RUSC2: variants seen among roughly 807,000 people sequenced by gnomAD.
RUSC2 encodes the protein AP-4 complex accessory subunit RUSC2.
RUSC2 carries 34 observed loss-of-function variants against 122.2 expected under a neutral mutation model. The ratio of observed to expected loss-of-function variants is 0.28; its 90% CI spans 0.21 to 0.37. RUSC2 has a LOEUF of 0.37. Ranked by LOEUF, RUSC2 falls within the 10% of genes least tolerant of loss-of-function variation. The pLI is 1.00. For synonymous variants in RUSC2, 784 were observed against 790.0 expected (o/e 0.99, Z 0.13); for missense variants, 1,747 against 1,952.4 (o/e 0.89, Z 1.98).
chr9:35,501,689 G>GC (rs929437267), intron 1 of RUSC2, among the ~76,000 whole-genome samples: 7 of 152,168 alleles, frequency 4.6e-5, no homozygotes, highest in Non-Finnish European at 8.8e-5. Flanking sequence ...AACTGACCAT[G>GC]CACCAGTAGC....
At chr9:35,512,404 A>G (rs1354362707) in intron 1 of RUSC2, among the ~76,000 whole-genome samples, 1 of 152,204 alleles carries the variant, frequency 6.6e-6, no homozygotes, top group African/African-American at 2.4e-5. Context: ...AATTTGCCCT[A>G]TGCATGCCTG....
At chr9:35,520,097 G>T (rs1215386890) in intron 1 of RUSC2, among the ~76,000 whole-genome samples, 1 of 152,236 alleles carries the variant, frequency 6.6e-6, no homozygotes, top group Non-Finnish European at 1.5e-5. Flanking sequence ...TAAAGCAATA[G>T]TTACTGGTAC....
chr9:35,515,421 A>T (rs1003761703), intron 1 of RUSC2, among the ~76,000 whole-genome samples: 1 of 152,086 alleles, frequency 6.6e-6, no homozygotes, highest in Non-Finnish European at 1.5e-5. Flanking sequence ...TTTTTTTTCA[A>T]GCCCACAGCT....
In RUSC2 at chr9:35,534,419, TACACACACACAC is replaced by T. The variant is rs55836338; in HGVS notation, c.-92-11983_-92-11972del. On this transcript the variant is annotated intron_variant, in intron 1 of 11. Coordinates refer to ENST00000361226, the MANE Select transcript of RUSC2 (RefSeq NM_014806.5). ...GTGAGACCCCCATCTCTACAAATAA[TACACACACACAC>T]ACACACACACACACACACACACACA... 6.7e-3 allele frequency among the ~76,000 whole-genome samples: 951 copies of T among 141,014 alleles called. 10 individuals carry two copies. Among genetic ancestry groups the T allele is most frequent in the African/African-American group, 0.024 (891 of 37,460 alleles). The allele number at this position is 141,014 out of a possible 152,430, so 92.5% of individuals were successfully genotyped here. A position where few individuals can be genotyped will look rare whatever the true frequency, so the allele number is the denominator to read the frequency against.
At chr9:35,534,419 T>C (rs1315905990) in intron 1 of RUSC2, among the ~76,000 whole-genome samples, 2 of 140,916 alleles carry the variant, frequency 1.4e-5, no homozygotes, top group Non-Finnish European at 3.1e-5. Flanking sequence ...CTACAAATAA[T>C]ACACACACAC....
intron 2 of RUSC2, among the ~76,000 whole-genome samples, chr9:35,553,192 G>C (rs76371434): frequency 6.6e-6 from 1 of 152,296 alleles, no homozygotes; most frequent in East Asian, 1.9e-4. Context: ...CTAGCTCGTA[G>C]CAGGTGTGGG....
intron 1 of RUSC2, among the ~76,000 whole-genome samples, chr9:35,518,989 A>G (rs1821161249): frequency 6.6e-6 from 1 of 152,202 alleles, no homozygotes; most frequent in South Asian, 2.1e-4. Context: ...ACCTGACTCA[A>G]GAGAGTACTA....
intron 1 of RUSC2, among the ~76,000 whole-genome samples, chr9:35,501,237 C>G (rs954240582): frequency 9.2e-5 from 14 of 152,216 alleles, no homozygotes; most frequent in African/African-American, 3.1e-4. Flanking sequence ...CCCTTCACTT[C>G]CTTTTCAAAG....
chr9:35,513,440 G>T (rs1434322301), intron 1 of RUSC2, among the ~76,000 whole-genome samples: 1 of 151,576 alleles, frequency 6.6e-6, no homozygotes, highest in Non-Finnish European at 1.5e-5. Context: ...ATGGGGTTTC[G>T]CCATGTTGGC....
At chr9:35,501,565 A>C (rs1429439356) in intron 1 of RUSC2, among the ~76,000 whole-genome samples, 1 of 152,194 alleles carries the variant, frequency 6.6e-6, no homozygotes, top group Non-Finnish European at 1.5e-5. Context: ...TGACAGAGTG[A>C]GGCTCCATCT....
intron 1 of RUSC2, among the ~76,000 whole-genome samples, chr9:35,521,194 T>C (rs950804823): frequency 6.6e-6 from 1 of 152,158 alleles, no homozygotes. Flanking sequence ...AGGTTATAAT[T>C]AGACCTGAAA....
intron 1 of RUSC2, among the ~76,000 whole-genome samples, chr9:35,495,642 G>C (rs749738852): frequency 1.3e-5 from 2 of 151,946 alleles, no homozygotes; most frequent in African/African-American, 2.4e-5. Context: ...AGATTGTTTT[G>C]GTTGTTCAGG....
chr9:35,517,695 G>A (rs1271076770), intron 1 of RUSC2, among the ~76,000 whole-genome samples: 1 of 152,124 alleles, frequency 6.6e-6, no homozygotes, highest in Admixed American at 6.5e-5. Context: ...CTGAAAGAAG[G>A]GCACTGCATC....
intron 1 of RUSC2, among the ~76,000 whole-genome samples, chr9:35,545,091 T>C (rs1821718463): frequency 6.6e-6 from 1 of 152,232 alleles, no homozygotes; most frequent in South Asian, 2.1e-4. Context: ...TTATTAGCCA[T>C]ATTTTTTATG....
chr9:35,546,347 A>G lies in RUSC2; in HGVS notation c.-92-83A>G. ...CTTTTCTCTTCCTGGGCTCTTCTCC[A>G]TCTGAAAATGATGTAGGGAAGGGCA... On this transcript the variant is annotated intron_variant, in intron 1 of 11. Transcript: ENST00000361226. The surrounding 1 kb of genome is among the most constrained non-coding windows in gnomAD (Gnocchi z 4.3). 1 of 413,258 alleles carries G rather than the reference A, an allele frequency of 2.4e-6. No homozygotes were observed. The highest frequency in any genetic ancestry group is 4.2e-6 in the Non-Finnish European group (1 of 240,466). 25.6% of individuals were successfully genotyped at this position (413,258 alleles called of 1,614,324 possible). A position where few individuals can be genotyped will look rare whatever the true frequency, so the allele number is the denominator to read the frequency against.
At chr9:35,514,124 AAAT>A (rs1457221943) in intron 1 of RUSC2, among the ~76,000 whole-genome samples, 3 of 152,004 alleles carry the variant, frequency 2.0e-5, no homozygotes, top group Non-Finnish European at 4.4e-5. Context: ...ATACACCAAC[AAAT>A]AATGGTAGAC....
In RUSC2 at chr9:35,560,099, T is replaced by C. The variant is rs1822112755; in HGVS notation, c.3459T>C (p.Phe1153=). 1 of 1,613,660 alleles carries C rather than the reference T, an allele frequency of 6.2e-7. No homozygotes were observed. Among genetic ancestry groups the C allele is most frequent in the Non-Finnish European group, 8.5e-7 (1 of 1,179,986 alleles). ...SAAHTVCPGL[F]EELLLLLQPL... is the part of the protein sequence containing the mutation. The stretch of plus-strand genomic sequence containing the variant: ...CTCATACCGTGTGTCCCGGCCTCTT[T>C]GAAGAGCTGCTGCTGCTGCTACAGC... The change falls in exon 10 of 12, where the codon TTT becomes TTC. Residue 1153 remains phenylalanine, a synonymous_variant. Coordinates refer to ENST00000361226, the MANE Select transcript of RUSC2 (RefSeq NM_014806.5).
chr9:35,512,652 T>C (rs955681317), intron 1 of RUSC2, among the ~76,000 whole-genome samples: 2 of 152,186 alleles, frequency 1.3e-5, no homozygotes, highest in Non-Finnish European at 1.5e-5. Context: ...AAAAAGAAGA[T>C]GTGTATGCAT....
chr9:35,540,280 A>C (rs1170432961), intron 1 of RUSC2, among the ~76,000 whole-genome samples: 1 of 152,152 alleles, frequency 6.6e-6, no homozygotes, highest in Non-Finnish European at 1.5e-5. Context: ...GGGTGGGAGG[A>C]TCACTTGAGC....
Sources: allele counts gnomAD v4.1 joint callset (sites outside exome capture counted in the v4.1 genomes callset), GRCh38; gene constraint gnomAD v4.1.1; non-coding constraint Gnocchi (gnomAD v3.1); transcripts MANE v1.5; gene names NCBI Gene and HGNC (gene_info 2026-07-23, HGNC 2026-07-21).